Variants in HEPACAM observed in about 807,000 individuals in gnomAD.
HEPACAM encodes hepatocyte cell adhesion molecule.
Under a neutral mutation model 38.3 loss-of-function variants are expected in HEPACAM, and 18 were observed. That is an observed-to-expected ratio of 0.47 (90% CI 0.33 to 0.70). HEPACAM has a LOEUF of 0.70. HEPACAM is among the 30% of genes least tolerant of loss of function. The pLI is 0.03. For synonymous variants in HEPACAM, 216 were observed against 243.1 expected, an observed-to-expected ratio of 0.89 and a Z score of 1.04; for missense variants, 466 against 563.0, an observed-to-expected ratio of 0.83 and a Z score of 1.74.
In HEPACAM at chr11:124,920,188, G is replaced by A; in HGVS notation, c.*950C>T. 1 of 901,024 alleles carries A rather than the reference G, an allele frequency of 1.1e-6. No individual in the cohort carries two copies. Among genetic ancestry groups the A allele is most frequent in the Non-Finnish European group, 1.7e-6 (1 of 594,414 alleles). 55.8% of individuals were successfully genotyped at this position (901,024 alleles called of 1,614,324 possible). On this transcript the variant is annotated 3_prime_UTR_variant, in exon 7 of 7. Transcript: ENST00000298251. ...AGATTAGGACTTATTCTCACAGCTGGAGGAAGCTCAACAACTTTCCTGAGG... is the reference window on the plus strand; with the variant it reads ...AGATTAGGACTTATTCTCACAGCTGAAGGAAGCTCAACAACTTTCCTGAGG...
At chr11:124,933,847 G>T (rs758236662) in intron 1 of HEPACAM, among the ~76,000 whole-genome samples, 1 of 152,104 alleles carries the variant, frequency 6.6e-6, no homozygotes, top group Non-Finnish European at 1.5e-5. Flanking sequence ...TGATTTTCTG[G>T]ACAGCACCAC....
Position 124,921,243 on chromosome 11 carries a change from C to T in HEPACAM, c.1146G>A (p.Pro382=), listed in dbSNP as rs1947132230. Reference sequence around the variant, plus strand: ...CGCTGCGCGAGCGGCCGGGCGAGCTCGGGGCCCTGGGCGGCGACGAGTGTG... The same window carrying T: ...CGCTGCGCGAGCGGCCGGGCGAGCTTGGGGCCCTGGGCGGCGACGAGTGTG... The part of the protein sequence containing the change: ...GRTHSSPPRA[P]SSPGRSRSAS... The change falls in exon 7 of 7, where the codon CCG becomes CCA. Residue 382 remains proline, a synonymous_variant. Transcript: ENST00000298251. This position sits in a 1 kb window ranked among gnomAD's most constrained non-coding sequence, Gnocchi z 4.6. The T allele has an allele frequency of 1.4e-6, 2 of 1,458,220 alleles. No individual in the cohort carries two copies. Among genetic ancestry groups the T allele is most frequent in the South Asian group, 2.7e-5 (2 of 74,912 alleles). 90.3% of individuals were successfully genotyped at this position (1,458,220 alleles called of 1,614,324 possible).
At chr11:124,930,090 C>T (rs951281104) in intron 1 of HEPACAM, among the ~76,000 whole-genome samples, 6 of 152,204 alleles carry the variant, frequency 3.9e-5, no homozygotes, top group South Asian at 2.1e-4. Flanking sequence ...TTCTTTTGGC[C>T]GTCATAGATA....
Position 124,923,887 on chromosome 11 carries a change from C to T in HEPACAM, c.551G>A (p.Gly184Asp). The change falls in exon 3 of 7, where the codon GGC becomes GAC. Residue 184 changes from glycine to aspartate, a missense_variant. Physicochemically the swap from Gly to Asp is moderately conservative, Grantham distance 94. Coordinates refer to ENST00000298251, the MANE Select transcript of HEPACAM (RefSeq NM_152722.5). ...TCTCGAGTCATTGAGGAGGGGCTTG[C>T]CATCCTTCAGCCAGGTGTAGCTGGG... ...TKPSYTWLKD[G>D]KPLLNDSRML... The T allele has an allele frequency of 1.2e-6, 2 of 1,613,880 alleles. No individual in the cohort carries two copies. Among genetic ancestry groups the T allele is most frequent in the South Asian group, 1.1e-5 (1 of 91,074 alleles).
chr11:124,921,249 C>T lies in HEPACAM; in HGVS notation c.1140G>A (p.Arg380=), dbSNP rs1381815213. 1 of 1,443,416 alleles carries T rather than the reference C, an allele frequency of 6.9e-7. No homozygotes were observed. Among genetic ancestry groups the T allele is most frequent in the Non-Finnish European group, 9.1e-7 (1 of 1,103,480 alleles). The allele number at this position is 1,443,416 out of a possible 1,614,324, so 89.4% of individuals were successfully genotyped here. Reference sequence around the variant, plus strand: ...GCGAGCGGCCGGGCGAGCTCGGGGCCCTGGGCGGCGACGAGTGTGTCCGGC... The same window carrying T: ...GCGAGCGGCCGGGCGAGCTCGGGGCTCTGGGCGGCGACGAGTGTGTCCGGC... The part of the protein sequence containing the change: ...ATGRTHSSPP[R]APSSPGRSRS... Residue 380 remains arginine (R), a synonymous_variant, in exon 7 of 7, where the codon AGG becomes AGA. Transcript: ENST00000298251. This position sits in a 1 kb window ranked among gnomAD's most constrained non-coding sequence, Gnocchi z 4.6.
At position 124,924,081 on chromosome 11, in the gene HEPACAM, C is replaced by G. The variant is rs1324575589; in HGVS notation, c.428-71G>C. On this transcript the variant is annotated intron_variant, in intron 2 of 6. Coordinates refer to ENST00000298251, the MANE Select transcript of HEPACAM (RefSeq NM_152722.5). This position sits in a 1 kb window ranked among gnomAD's most constrained non-coding sequence, Gnocchi z 4.4. ...TGTCTCCCTTCCCCTTTTTAGCTCC[C>G]TGCCTTCCAACACACCTTTAACACT... 74 of 1,455,060 alleles carry G rather than the reference C, an allele frequency of 5.1e-5. No individual in the cohort carries two copies. Among genetic ancestry groups the G allele is most frequent in the Non-Finnish European group, 6.4e-5 (69 of 1,071,144 alleles). The allele number at this position is 1,455,060 out of a possible 1,614,324, so 90.1% of individuals were successfully genotyped here. A position where few individuals can be genotyped will look rare whatever the true frequency, so the allele number is the denominator to read the frequency against.
At position 124,923,844 on chromosome 11, in the gene HEPACAM, G is replaced by T. The variant is rs1385833117; in HGVS notation, c.594C>A (p.Asp198Glu). 1 of 1,614,162 alleles carries T rather than the reference G, an allele frequency of 6.2e-7. No individual in the cohort carries two copies. Among genetic ancestry groups the T allele is most frequent in the Non-Finnish European group, 8.5e-7 (1 of 1,180,034 alleles). The change falls in exon 3 of 7, where the codon GAC becomes GAA. Residue 198 changes from aspartate to glutamate, a missense_variant. Physicochemically the swap from Asp to Glu is conservative, Grantham distance 45 (BLOSUM62 2). Coordinates refer to ENST00000298251, the MANE Select transcript of HEPACAM (RefSeq NM_152722.5). ...LNDSRMLLSP[D>E]QKVLTITRVL... The stretch of plus-strand genomic sequence containing the variant: ...CGCGGGTGATGGTGAGCACCTTTTG[G>T]TCGGGGGACAGGAGCATTCTCGAGT...
At position 124,920,374 on chromosome 11, in the gene HEPACAM, A is replaced by T; in HGVS notation, c.*764T>A. The T allele has an allele frequency of 6.5e-7, 1 of 1,545,300 alleles. No homozygotes were observed. The highest frequency in any genetic ancestry group is 1.4e-5 in the African/African-American group (1 of 72,960). On this transcript the variant is annotated 3_prime_UTR_variant, in exon 7 of 7. Coordinates refer to ENST00000298251, the MANE Select transcript of HEPACAM (RefSeq NM_152722.5). ...AGCCCATCCATCTCTTTTATTCATG[A>T]ACAGAGACAGAAAGAGTGCTTGGCA...
rs1947165554 is a variant in HEPACAM at position 124,923,425 on chromosome 11, A to C, written c.718T>G (p.Ser240Ala). The change falls in exon 4 of 7, where the codon TCC (serine) becomes GCC (alanine). Residue 240 changes from serine (S) to alanine (A), a missense_variant. By Grantham distance (99) the Ser-to-Ala change is moderately conservative. Coordinates refer to ENST00000298251, the MANE Select transcript of HEPACAM (RefSeq NM_152722.5). ...PVKITVYRRS[S>A]LYIILSTGGI... is the part of the protein sequence containing the mutation. Reference sequence around the variant, plus strand: ...CCTGTAGACAAGATGATGTAAAGGGAGCTTCTTCCTAGGGAGAGAGAGAAG... The same window carrying C: ...CCTGTAGACAAGATGATGTAAAGGGCGCTTCTTCCTAGGGAGAGAGAGAAG... 6.2e-7 allele frequency: 1 copy of C among 1,609,066 alleles called. No homozygotes were observed. Among genetic ancestry groups the C allele is most frequent in the Non-Finnish European group, 8.5e-7 (1 of 1,175,680 alleles).
intron 1 of HEPACAM, among the ~76,000 whole-genome samples, chr11:124,934,231 A>G (rs1432926856): frequency 6.6e-6 from 1 of 152,080 alleles, no homozygotes; most frequent in Non-Finnish European, 1.5e-5. Flanking sequence ...CTAGCTCCTG[A>G]CTTTACCTCT....
chr11:124,924,807 A>G lies in HEPACAM; in HGVS notation c.348T>C (p.Asp116=). The G allele has an allele frequency of 1.2e-6, 2 of 1,614,166 alleles. No homozygotes were observed. The highest frequency in any genetic ancestry group is 2.2e-5 in the East Asian group (1 of 44,866). ...SLLLSDLQLA[D]EGTYEVEISI... is the part of the protein sequence containing the mutation. ...AGATCTCGACCTCATAGGTGCCCTC[A>G]TCGGCCAGCTGCAGGTCGCTGAGAA... The change falls in exon 2 of 7, where the codon GAT becomes GAC. Residue 116 remains aspartate, a synonymous_variant. Transcript: ENST00000298251. This position sits in a 1 kb window ranked among gnomAD's most constrained non-coding sequence, Gnocchi z 4.4.
Position 124,920,929 on chromosome 11 carries a change from T to A in HEPACAM, c.*209A>T. On this transcript the variant is annotated 3_prime_UTR_variant, in exon 7 of 7. Coordinates refer to ENST00000298251, the MANE Select transcript of HEPACAM (RefSeq NM_152722.5). ...ACACAGCCAGTAAACCGGAAGCAAA[T>A]GCGACCCGGTTTCACCATATCAACA... 1 of 1,351,754 alleles carries A rather than the reference T, an allele frequency of 7.4e-7. No individual in the cohort carries two copies. The highest frequency in any genetic ancestry group is 9.5e-7 in the Non-Finnish European group (1 of 1,055,262). 83.7% of individuals were successfully genotyped at this position (1,351,754 alleles called of 1,614,324 possible).
At chr11:124,927,369 G>T (rs1182630801) in intron 1 of HEPACAM, among the ~76,000 whole-genome samples, 1 of 151,094 alleles carries the variant, frequency 6.6e-6, no homozygotes, top group South Asian at 2.1e-4. Flanking sequence ...TTTTGACAAG[G>T]TCTCACTCTG....
intron 1 of HEPACAM, among the ~76,000 whole-genome samples, chr11:124,927,206 G>T (rs181243912): frequency 4.4e-4 from 67 of 152,226 alleles, no homozygotes; most frequent in Middle Eastern, 3.4e-3. Flanking sequence ...AAAGTGCTTT[G>T]CTAAGTAGTG....
chr11:124,924,072 T>G lies in HEPACAM; in HGVS notation c.428-62A>C. 1 of 1,498,340 alleles carries G rather than the reference T, an allele frequency of 6.7e-7. No individual in the cohort carries two copies. Among genetic ancestry groups the G allele is most frequent in the Non-Finnish European group, 9.0e-7 (1 of 1,107,948 alleles). 92.8% of individuals were successfully genotyped at this position (1,498,340 alleles called of 1,614,324 possible). A position where few individuals can be genotyped will look rare whatever the true frequency, so the allele number is the denominator to read the frequency against. On this transcript the variant is annotated intron_variant, in intron 2 of 6. Transcript: ENST00000298251. The surrounding 1 kb of genome is among the most constrained non-coding windows in gnomAD (Gnocchi z 4.4). The stretch of plus-strand genomic sequence containing the variant: ...GCTAAGAAGTGTCTCCCTTCCCCTT[T>G]TTAGCTCCCTGCCTTCCAACACACC...
At chr11:124,923,497 A>G in intron 3 of HEPACAM, 64 bp from the exon 4 acceptor site, 2 of 1,259,810 alleles carry the variant, frequency 1.6e-6, no homozygotes, top group Non-Finnish European at 1.2e-6. Flanking sequence ...GGTGAGCAGA[A>G]CTTCCTGCCA....
rs202021854 is a variant in HEPACAM, at chr11:124,925,038, G to T, written c.117C>A (p.Pro39=). 1.2e-6 allele frequency: 2 copies of T among 1,600,880 alleles called. No homozygotes were observed. The highest frequency in any genetic ancestry group is 1.7e-4 in the Middle Eastern group (1 of 5,986). The change falls in exon 2 of 7, where the codon CCC becomes CCA. Residue 39 remains proline (P), a synonymous_variant. Coordinates refer to ENST00000298251, the MANE Select transcript of HEPACAM (RefSeq NM_152722.5). ...DPLEGVNITS[P]VRLIHGTVGK... Reference sequence around the variant, plus strand: ...CCACGGTGCCATGGATCAGGCGCACGGGGCTGGTGATGTTCACCCCCTCCA... The same window carrying T: ...CCACGGTGCCATGGATCAGGCGCACTGGGCTGGTGATGTTCACCCCCTCCA...
Position 124,936,038 on chromosome 11 carries a change from C to A in HEPACAM, c.-32G>T. On this transcript the variant is annotated 5_prime_UTR_variant, in exon 1 of 7. Coordinates refer to ENST00000298251, the MANE Select transcript of HEPACAM (RefSeq NM_152722.5). ...TGGCGTTCTCCAGCTCTAGTGCAGA[C>A]AATTAGCATGATTTCTCCACTCTGG... 6.3e-7 allele frequency: 1 copy of A among 1,586,178 alleles called. No individual in the cohort carries two copies. Among genetic ancestry groups the A allele is most frequent in the Non-Finnish European group, 8.7e-7 (1 of 1,155,256 alleles).
chr11:124,920,350 G>T lies in HEPACAM; in HGVS notation c.*788C>A, dbSNP rs201185574. 3.3e-5 allele frequency: 50 copies of T among 1,507,970 alleles called. No homozygotes were observed. The highest frequency in any genetic ancestry group is 2.7e-6 in the Non-Finnish European group (3 of 1,112,684). 93.4% of individuals were successfully genotyped at this position (1,507,970 alleles called of 1,614,324 possible). On this transcript the variant is annotated 3_prime_UTR_variant, in exon 7 of 7. Coordinates refer to ENST00000298251, the MANE Select transcript of HEPACAM (RefSeq NM_152722.5). ...GAAATTCACTTCTCTATAAGAATAAGCCCATCCATCTCTTTTATTCATGAA... is the reference window on the plus strand; with the variant it reads ...GAAATTCACTTCTCTATAAGAATAATCCCATCCATCTCTTTTATTCATGAA...
Sources: allele counts gnomAD v4.1 joint callset (sites outside exome capture counted in the v4.1 genomes callset), GRCh38; gene constraint gnomAD v4.1.1; non-coding constraint Gnocchi (gnomAD v3.1); transcripts MANE v1.5; gene names NCBI Gene and HGNC (gene_info 2026-07-23, HGNC 2026-07-21).